Variants in PLAGL2 observed in about 807,000 individuals in gnomAD.
PLAGL2 encodes the protein PLAG1 like zinc finger 2, also known as zinc finger protein PLAGL2.
PLAGL2 carries 7 observed loss-of-function variants against 29.0 expected under a neutral mutation model. The ratio of observed to expected loss-of-function variants is 0.24; its 90% CI spans 0.14 to 0.45. The LOEUF is 0.45. PLAGL2 is among the 20% of genes least tolerant of loss of function. PLAGL2 has a pLI of 0.99. For missense variants in PLAGL2, 454 were observed against 648.2 expected (o/e 0.70, Z 3.25); for synonymous variants, 234 against 266.0 (o/e 0.88, Z 1.17).
In PLAGL2 at chr20:32,196,380, G is replaced by A; in HGVS notation, c.*72C>T. On this transcript the variant is annotated 3_prime_UTR_variant, in exon 3 of 3. Transcript: ENST00000246229. ...CTCTGAAAGCTCAGCTGCCTTCATG[G>A]GGGACACAGACGGGGTGGGTACTAA... is the stretch of plus-strand genomic sequence containing the variant. 2 of 1,166,534 alleles carry A rather than the reference G, an allele frequency of 1.7e-6. No individual in the cohort carries two copies. The highest frequency in any genetic ancestry group is 2.7e-5 in the East Asian group (1 of 36,986). The allele number at this position is 1,166,534 out of a possible 1,614,324, so 72.3% of individuals were successfully genotyped here.
chr20:32,205,467 T>A (rs2047281541), intron 1 of PLAGL2, among the ~76,000 whole-genome samples: 1 of 152,198 alleles, frequency 6.6e-6, no homozygotes, highest in African/African-American at 2.4e-5. Context: ...TAGGGCTCCA[T>A]ATCCCAAACA....
intron 1 of PLAGL2, among the ~76,000 whole-genome samples, chr20:32,203,104 C>A (rs538361478): frequency 6.6e-6 from 1 of 152,184 alleles, no homozygotes; most frequent in South Asian, 2.1e-4. Flanking sequence ...GTAGCGAGCT[C>A]GCATTGGAAT....
At chr20:32,206,021 A>T (rs1034511067) in intron 1 of PLAGL2, among the ~76,000 whole-genome samples, 2 of 152,236 alleles carry the variant, frequency 1.3e-5, no homozygotes, top group African/African-American at 4.8e-5. Context: ...GAAGAACTCA[A>T]TTCAACACCT....
intron 1 of PLAGL2, among the ~76,000 whole-genome samples, chr20:32,205,625 A>G (rs994267154): frequency 1.3e-5 from 2 of 152,172 alleles, no homozygotes; most frequent in African/African-American, 2.4e-5. Context: ...CATCATCTCT[A>G]TAGAAACTGC....
chr20:32,195,439 G>T lies in PLAGL2; in HGVS notation c.*1013C>A, dbSNP rs1428210696. On this transcript the variant is annotated 3_prime_UTR_variant, in exon 3 of 3. Transcript: ENST00000246229. The stretch of plus-strand genomic sequence containing the variant: ...GGGGATGGGGAGGTGACGGACGTGG[G>T]CATGCCTTTCATTTCTTCCCCTCTC... 2 of 152,704 alleles carry T rather than the reference G, an allele frequency of 1.3e-5. No homozygotes were observed. Among genetic ancestry groups the T allele is most frequent in the Non-Finnish European group, 2.9e-5 (2 of 68,072 alleles). The allele number at this position is 152,704 out of a possible 1,614,324, so 9.5% of individuals were successfully genotyped here. A position where few individuals can be genotyped will look rare whatever the true frequency, so the allele number is the denominator to read the frequency against.
intron 1 of PLAGL2, among the ~76,000 whole-genome samples, chr20:32,203,098 C>T (rs2047268009): frequency 6.6e-6 from 1 of 152,170 alleles, no homozygotes; most frequent in African/African-American, 2.4e-5. Context: ...AAGACGGTAG[C>T]GAGCTCGCAT....
chr20:32,202,037 G>A lies in PLAGL2; in HGVS notation c.142C>T (p.Pro48Ser), dbSNP rs1475461669. Residue 48 changes from proline to serine, a missense_variant, in exon 2 of 3, where the codon CCT (proline) becomes TCT (serine). Pro to Ser is a moderately conservative substitution (Grantham distance 74). This residue lies in a region of PLAGL2 where 89 missense variants were observed against 90.4 expected (regional missense o/e 0.98). Coordinates refer to ENST00000246229, the MANE Select transcript of PLAGL2 (RefSeq NM_002657.3). ...CTCAGCTTCTCCCCATTTGAGAAAGGTGTTCCCGAAATTTCACATTGGCAC... is the reference window on the plus strand; with the variant it reads ...CTCAGCTTCTCCCCATTTGAGAAAGATGTTCCCGAAATTTCACATTGGCAC... ...VKCQCEISGT[P>S]FSNGEKLRPH... 1 of 1,614,226 alleles carries A rather than the reference G, an allele frequency of 6.2e-7. No individual in the cohort carries two copies. The highest frequency in any genetic ancestry group is 1.1e-5 in the South Asian group (1 of 91,080).
In PLAGL2 at chr20:32,197,715, C is replaced by G. The variant is rs759495112; in HGVS notation, c.261-33G>C. The stretch of plus-strand genomic sequence containing the variant: ...TAGAGACAGGGGATAGGGGAGAAAG[C>G]AGAAAGAGGGGAGATCACAAGGGAT... On this transcript the variant is annotated intron_variant, in intron 2 of 2. Coordinates refer to ENST00000246229, the MANE Select transcript of PLAGL2 (RefSeq NM_002657.3). The surrounding 1 kb of genome is among the most constrained non-coding windows in gnomAD (Gnocchi z 6.6). The G allele has an allele frequency of 6.3e-7, 1 of 1,588,474 alleles. No homozygotes were observed. The highest frequency in any genetic ancestry group is 8.6e-7 in the Non-Finnish European group (1 of 1,161,964).
intron 1 of PLAGL2, among the ~76,000 whole-genome samples, chr20:32,202,973 G>A (rs1044205848): frequency 6.6e-6 from 1 of 152,176 alleles, no homozygotes; most frequent in African/African-American, 2.4e-5. Flanking sequence ...ACTTCTCTGG[G>A]TCACTGTGTC....
Position 32,202,694 on chromosome 20 carries a change from CCTT to C in PLAGL2, c.-114-405_-114-403del, listed in dbSNP as rs1489647798. ...ATTGAACCTAGAGATAGCGGTTCCT[CCTT>C]CTTATTACCCTGGCACCTCCTCGTC... is the stretch of plus-strand genomic sequence containing the variant. On this transcript the variant is annotated intron_variant, in intron 1 of 2. Coordinates refer to ENST00000246229, the MANE Select transcript of PLAGL2 (RefSeq NM_002657.3). 5.3e-5 allele frequency among the ~76,000 whole-genome samples: 8 copies of C among 152,308 alleles called. No homozygotes were observed. In the East Asian group the frequency reaches 7.7e-4, roughly 15 times the overall value.
At position 32,196,559 on chromosome 20, in the gene PLAGL2, C is replaced by T. The variant is rs777353733; in HGVS notation, c.1384G>A (p.Gly462Arg). ...TLQAQPQDSP[G>R]AGGPLNFGPL... Reference sequence around the variant, plus strand: ...CCAAAGTTCAGTGGTCCCCCAGCTCCTGGGGAATCTTGAGGCTGAGCTTGC... The same window carrying T: ...CCAAAGTTCAGTGGTCCCCCAGCTCTTGGGGAATCTTGAGGCTGAGCTTGC... Residue 462 changes from glycine to arginine, a missense_variant, in exon 3 of 3, where the codon GGA becomes AGA. Transcript: ENST00000246229. The T allele has an allele frequency of 1.9e-6, 3 of 1,544,644 alleles. No homozygotes were observed. The highest frequency in any genetic ancestry group is 2.6e-6 in the Non-Finnish European group (3 of 1,150,458).
chr20:32,202,114 C>A lies in PLAGL2; in HGVS notation c.65G>T (p.Gly22Val), dbSNP rs777295933. ...IQDAKQEEEV[G>V]WKLVPRPRGR... is the part of the protein sequence containing the mutation. ...CCGAGGCCTGGGAACTAGTTTCCAG[C>A]CCACTTCCTCCTCCTGCTTTGCATC... The change falls in exon 2 of 3, where the codon GGC becomes GTC. Residue 22 changes from glycine (G) to valine (V), a missense_variant. By Grantham distance (109) the Gly-to-Val change is moderately radical. Coordinates refer to ENST00000246229, the MANE Select transcript of PLAGL2 (RefSeq NM_002657.3). 3.0e-5 allele frequency: 49 copies of A among 1,613,846 alleles called. No individual in the cohort carries two copies. The highest frequency in any genetic ancestry group is 3.9e-5 in the Non-Finnish European group (46 of 1,179,806).
chr20:32,203,772 T>C (rs1225843317), intron 1 of PLAGL2, among the ~76,000 whole-genome samples: 1 of 152,224 alleles, frequency 6.6e-6, no homozygotes, highest in African/African-American at 2.4e-5. Flanking sequence ...TGCTCATCAT[T>C]AACATGAGCT....
At position 32,194,707 on chromosome 20, in the gene PLAGL2, G is replaced by A. The variant is rs916850672; in HGVS notation, c.*1745C>T. 12 of 152,686 alleles carry A rather than the reference G, an allele frequency of 7.9e-5. No homozygotes were observed. The highest frequency in any genetic ancestry group is 4.1e-4 in the South Asian group (2 of 4,828). The allele number at this position is 152,686 out of a possible 1,614,324, so 9.5% of individuals were successfully genotyped here. On this transcript the variant is annotated 3_prime_UTR_variant, in exon 3 of 3. Coordinates refer to ENST00000246229, the MANE Select transcript of PLAGL2 (RefSeq NM_002657.3). ...TGAGGGAGGACTGGTAGGAGGCTGAGGCAATTCCTTGGTAGTTTGTCCTGA... is the reference window on the plus strand; with the variant it reads ...TGAGGGAGGACTGGTAGGAGGCTGAAGCAATTCCTTGGTAGTTTGTCCTGA...
Position 32,196,595 on chromosome 20 carries a change from G to A in PLAGL2, c.1348C>T (p.Leu450Phe). 6.5e-7 allele frequency: 1 copy of A among 1,538,832 alleles called. No individual in the cohort carries two copies. Among genetic ancestry groups the A allele is most frequent in the Non-Finnish European group, 8.7e-7 (1 of 1,147,076 alleles). Residue 450 changes from leucine (L) to phenylalanine (F), a missense_variant, in exon 3 of 3, where the codon CTT (leucine) becomes TTT (phenylalanine). Physicochemically the swap from Leu to Phe is conservative, Grantham distance 22 (BLOSUM62 0). This residue lies in a region of PLAGL2 where 247 missense variants were observed against 350.3 expected (regional missense o/e 0.71). Coordinates refer to ENST00000246229, the MANE Select transcript of PLAGL2 (RefSeq NM_002657.3). ...TGAGGCTGAGCTTGCAAAGTGGTAA[G>A]CAGGGGCTGTGCCTCAGCCTGGGAG... ...GYSQAEAQPL[L>F]TTLQAQPQDS... is the part of the protein sequence containing the mutation.
intron 2 of PLAGL2, among the ~76,000 whole-genome samples, chr20:32,200,769 T>A (rs1490137782): frequency 2.6e-5 from 4 of 151,946 alleles, no homozygotes; most frequent in Non-Finnish European, 5.9e-5. Flanking sequence ...TTTTAAAAAA[T>A]TTTTAGTAGA....
Position 32,196,908 on chromosome 20 carries a change from T to G in PLAGL2, c.1035A>C (p.Gly345=), listed in dbSNP as rs774552174. ...ATTTGTCGGGCAAGTATGAGGTAGA[T>G]CCAAGCTGGTATTTTGGAGGGAGCT... The part of the protein sequence containing the change: ...PAQLPPKYQL[G]STSYLPDKLP... Residue 345 remains glycine (G), a synonymous_variant, in exon 3 of 3, where the codon GGA becomes GGC. Transcript: ENST00000246229. The G allele has an allele frequency of 6.2e-7, 1 of 1,614,148 alleles. No homozygotes were observed.
In PLAGL2 at chr20:32,196,468, T is replaced by C; in HGVS notation, c.1475A>G (p.His492Arg). Residue 492 changes from histidine to arginine, a missense_variant, in exon 3 of 3, where the codon CAT (histidine) becomes CGT (arginine). Coordinates refer to ENST00000246229, the MANE Select transcript of PLAGL2 (RefSeq NM_002657.3). ...CTGTGGGGGCTACTGGAATGCTTGA[T>C]GGAAACGAGGCAGGGTGGTGCTACT... ...GLSSTTLPRF[H>R]QAFQ 2 of 1,478,924 alleles carry C rather than the reference T, an allele frequency of 1.4e-6. No individual in the cohort carries two copies. Among genetic ancestry groups the C allele is most frequent in the Non-Finnish European group, 1.8e-6 (2 of 1,114,980 alleles). The allele number at this position is 1,478,924 out of a possible 1,614,324, so 91.6% of individuals were successfully genotyped here.
intron 1 of PLAGL2, among the ~76,000 whole-genome samples, chr20:32,206,856 A>G (rs962436245): frequency 2.6e-5 from 4 of 152,200 alleles, no homozygotes; most frequent in Middle Eastern, 3.2e-3. Flanking sequence ...AGCAAAGGAA[A>G]TCCAGGGAGA....
Sources: allele counts gnomAD v4.1 joint callset (sites outside exome capture counted in the v4.1 genomes callset), GRCh38; gene constraint gnomAD v4.1.1; regional missense constraint gnomAD v4.1.1; non-coding constraint Gnocchi (gnomAD v3.1); transcripts MANE v1.5; gene names NCBI Gene and HGNC (gene_info 2026-07-23, HGNC 2026-07-21).